Variants in AGPAT5 observed in about 807,000 individuals in gnomAD.
AGPAT5 encodes 1-acyl-sn-glycerol-3-phosphate acyltransferase epsilon.
Under a neutral mutation model 45.6 loss-of-function variants are expected in AGPAT5, and 46 were observed. The ratio of observed to expected loss-of-function variants is 1.01; its 90% CI spans 0.80 to 1.29. AGPAT5 has a LOEUF of 1.29. Among genes scored for constraint, AGPAT5 ranks in the 50% most tolerant of loss-of-function variants. AGPAT5 has a pLI of 0.00. For synonymous variants in AGPAT5, 272 were observed against 167.0 expected (o/e 1.63, Z -4.85); for missense variants, 673 against 450.7 (o/e 1.49, Z -4.47).
At chr8:6,739,495 TC>T (rs1801165985) in intron 4 of AGPAT5, among the ~76,000 whole-genome samples, 1 of 152,146 alleles carries the variant, frequency 6.6e-6, no homozygotes, top group South Asian at 2.1e-4. Context: ...GATTTGCACA[TC>T]TTTTGCCAGA....
At position 6,712,530 on chromosome 8, in the gene AGPAT5, T is replaced by C. The variant is rs142497228; in HGVS notation, c.219+3643T>C. ...TATAGGATAGGAAGTAACTTGAATG[T>C]GGAATGCTTAGAGACTCAGAGTAAG... On this transcript the variant is annotated intron_variant, in intron 1 of 7. Coordinates refer to ENST00000285518, the MANE Select transcript of AGPAT5 (RefSeq NM_018361.5). Among the ~76,000 whole-genome samples the C allele has an allele frequency of 3.8e-3, 578 of 152,302 alleles. 2 individuals carry two copies. Among genetic ancestry groups the C allele is most frequent in the African/African-American group, 0.013 (553 of 41,558 alleles).
intron 7 of AGPAT5, among the ~76,000 whole-genome samples, chr8:6,755,488 T>A (rs1801804881): frequency 6.6e-6 from 1 of 152,222 alleles, no homozygotes; most frequent in Non-Finnish European, 1.5e-5. Flanking sequence ...TGCCCGGACC[T>A]ACCTGTCAGG....
chr8:6,709,576 AGGTGAATTTTT>A (rs1334121943), intron 1 of AGPAT5: 1 of 142,450 alleles, frequency 7.0e-6, no homozygotes, highest in Admixed American at 7.0e-5. Flanking sequence ...AAAAAAAAAA[AGGTGAATTTTT>A]CTTTTATTTC....
chr8:6,732,813 G>C (rs1800911937), intron 4 of AGPAT5, among the ~76,000 whole-genome samples, 163 bp downstream of exon 4: 1 of 152,234 alleles, frequency 6.6e-6, no homozygotes, highest in South Asian at 2.1e-4. Flanking sequence ...CAGGTAGGCA[G>C]GTTTTTCAGC....
chr8:6,735,574 T>A (rs917797636), intron 4 of AGPAT5, among the ~76,000 whole-genome samples: 41 of 152,224 alleles, frequency 2.7e-4, no homozygotes, highest in African/African-American at 9.6e-4. Context: ...TGCATCTTGT[T>A]TCTCCTTTGA....
intron 2 of AGPAT5, among the ~76,000 whole-genome samples, chr8:6,726,784 G>T (rs912557176): frequency 2.6e-5 from 4 of 152,140 alleles, no homozygotes; most frequent in African/African-American, 9.7e-5. Flanking sequence ...CCGAGTGCCT[G>T]TGACTTTGTA....
At chr8:6,716,252 C>CT (rs1179273900) in intron 1 of AGPAT5, among the ~76,000 whole-genome samples, 8 of 152,130 alleles carry the variant, frequency 5.3e-5, no homozygotes, top group African/African-American at 1.9e-4. Context: ...TTTACTTTTT[C>CT]TTTTAACAAA....
At chr8:6,755,614 T>C (rs1345285932) in intron 7 of AGPAT5, among the ~76,000 whole-genome samples, 1 of 152,210 alleles carries the variant, frequency 6.6e-6, no homozygotes, top group East Asian at 1.9e-4. Context: ...CTGTTATATT[T>C]GTTGGAAATA....
chr8:6,710,031 T>A (rs1245363797), intron 1 of AGPAT5, among the ~76,000 whole-genome samples: 1 of 152,238 alleles, frequency 6.6e-6, no homozygotes, highest in Non-Finnish European at 1.5e-5. Flanking sequence ...TTTGTCTAAA[T>A]GTATGATTTT....
In AGPAT5 at chr8:6,759,599, TG is replaced by T. The variant is rs1285973045; in HGVS notation, c.*2212del. ...AATGCCGTCGATGTGCATGCTTTTATGTTTTTCAGAAAAGGGTGTGTTTGGA... is the reference window on the plus strand; with the variant it reads ...AATGCCGTCGATGTGCATGCTTTTATTTTTTCAGAAAAGGGTGTGTTTGGA... On this transcript the variant is annotated 3_prime_UTR_variant, in exon 8 of 8. Coordinates refer to ENST00000285518, the MANE Select transcript of AGPAT5 (RefSeq NM_018361.5). The T allele has an allele frequency of 6.6e-6, 1 of 152,164 alleles. No individual in the cohort carries two copies. The highest frequency in any genetic ancestry group is 6.5e-5 in the Admixed American group (1 of 15,276). 9.4% of individuals were successfully genotyped at this position (152,164 alleles called of 1,614,324 possible). A position where few individuals can be genotyped will look rare whatever the true frequency, so the allele number is the denominator to read the frequency against.
At chr8:6,715,548 C>G (rs1019128285) in intron 1 of AGPAT5, among the ~76,000 whole-genome samples, 1 of 152,148 alleles carries the variant, frequency 6.6e-6, no homozygotes, top group African/African-American at 2.4e-5. Flanking sequence ...ACCATTCTTC[C>G]TCTTTTACAG....
At chr8:6,734,813 G>C (rs1237694098) in intron 4 of AGPAT5, among the ~76,000 whole-genome samples, 1 of 151,850 alleles carries the variant, frequency 6.6e-6, no homozygotes, top group East Asian at 1.9e-4. Flanking sequence ...ACTGCATTTG[G>C]GTTTTGCTCA....
chr8:6,741,028 T>TGTACAAATC, intron 4 of AGPAT5, among the ~76,000 whole-genome samples: 1 of 152,170 alleles, frequency 6.6e-6, no homozygotes, highest in Non-Finnish European at 1.5e-5. Flanking sequence ...CGTAAAAACT[T>TGTACAAATC]AGACTAATTG....
rs575536145 is a variant in AGPAT5, at chr8:6,728,780, G to A, written c.290-1931G>A. ...TATTGTCTGCTTACTTTTGCATTTGGTACAGGTATAACAGGGTCGATTATA... is the reference window on the plus strand; with the variant it reads ...TATTGTCTGCTTACTTTTGCATTTGATACAGGTATAACAGGGTCGATTATA... On this transcript the variant is annotated intron_variant, in intron 2 of 7. Transcript: ENST00000285518. 1.4e-3 allele frequency among the ~76,000 whole-genome samples: 207 copies of A among 152,254 alleles called. 2 individuals carry two copies. Among genetic ancestry groups the A allele is most frequent in the Non-Finnish European group, 1.2e-3 (80 of 68,022 alleles).
intron 1 of AGPAT5, among the ~76,000 whole-genome samples, chr8:6,712,989 A>C (rs1331568555): frequency 6.6e-6 from 1 of 152,204 alleles, no homozygotes; most frequent in African/African-American, 2.4e-5. Flanking sequence ...AACACGTAAT[A>C]GATTGGGGTT....
intron 5 of AGPAT5, among the ~76,000 whole-genome samples, chr8:6,743,411 A>T (rs1801305811): frequency 6.6e-6 from 1 of 152,142 alleles, no homozygotes; most frequent in Non-Finnish European, 1.5e-5. Context: ...GATGTCTCAA[A>T]CTCAGCATAT....
chr8:6,746,851 C>G (rs943324826), intron 5 of AGPAT5, among the ~76,000 whole-genome samples: 4 of 152,100 alleles, frequency 2.6e-5, no homozygotes, highest in Non-Finnish European at 5.9e-5. Context: ...GTTAAATTGT[C>G]AGTAAATATT....
At chr8:6,717,613 A>G (rs1371721656) in intron 1 of AGPAT5, among the ~76,000 whole-genome samples, 2 of 152,246 alleles carry the variant, frequency 1.3e-5, no homozygotes, top group African/African-American at 2.4e-5. Flanking sequence ...TAAAGGAGGA[A>G]TACAACTGTG....
At chr8:6,731,018 A>G (rs1325498254) in intron 3 of AGPAT5, among the ~76,000 whole-genome samples, 192 bp downstream of exon 3, 1 of 151,572 alleles carries the variant, frequency 6.6e-6, no homozygotes, top group African/African-American at 2.4e-5. Context: ...GTAGGTGCCC[A>G]CCATCATGCC....
Sources: gnomAD v4.1 joint callset for allele counts (sites outside exome capture counted in the v4.1 genomes callset) on GRCh38, gnomAD v4.1.1 for gene constraint, MANE v1.5 for transcripts, NCBI Gene and HGNC (gene_info 2026-07-23, HGNC 2026-07-21) for gene names.